JAM3: variants seen among roughly 807,000 people sequenced by gnomAD.
The protein encoded by JAM3 is junctional adhesion molecule 3.
JAM3 carries 31 observed loss-of-function variants against 39.4 expected under a neutral mutation model. The ratio of observed to expected loss-of-function variants is 0.79; its 90% confidence interval spans 0.59 to 1.06. JAM3 has a LOEUF of 1.06. Ranked by LOEUF, JAM3 falls within the 50% of genes least tolerant of loss-of-function variation. The probability of loss-of-function intolerance (pLI) is 0.00; values close to 1 mark genes in which losing one functional copy is unlikely to be tolerated. For missense variants in JAM3, 455 were observed against 391.4 expected (o/e 1.16, Z -1.37); for synonymous variants, 182 against 148.7 (o/e 1.22, Z -1.63).
intron 1 of JAM3, among the ~76,000 whole-genome samples, chr11:134,119,985 T>C (rs1182658960): frequency 6.6e-6 from 1 of 152,238 alleles, no homozygotes; most frequent in Non-Finnish European, 1.5e-5. Flanking sequence ...TATACTTTGC[T>C]GTGTGTATGG....
intron 1 of JAM3, among the ~76,000 whole-genome samples, chr11:134,134,487 G>A (rs548898263): frequency 4.0e-5 from 6 of 150,862 alleles, no homozygotes; most frequent in Admixed American, 2.0e-4. Context: ...GAAGACAGAG[G>A]GGAAAAGTAC....
At chr11:134,093,452 C>T (rs1267437552) in intron 1 of JAM3, among the ~76,000 whole-genome samples, 1 of 134,492 alleles carries the variant, frequency 7.4e-6, no homozygotes, top group Non-Finnish European at 1.6e-5. Flanking sequence ...CCTCCTTATT[C>T]GTCATGTTCC....
intron 1 of JAM3, among the ~76,000 whole-genome samples, chr11:134,123,566 C>CAA (rs1942579185): frequency 6.6e-6 from 1 of 152,222 alleles, no homozygotes; most frequent in Admixed American, 6.5e-5. Context: ...GGCAGAAATT[C>CAA]AAACTCCAAA....
intron 1 of JAM3, among the ~76,000 whole-genome samples, chr11:134,117,846 G>A (rs763087604): frequency 3.3e-5 from 5 of 152,218 alleles, no homozygotes; most frequent in Non-Finnish European, 5.9e-5. Flanking sequence ...CTGTCTTCAA[G>A]ATAACAGTGA....
At chr11:134,116,633 C>G (rs766666401) in intron 1 of JAM3, among the ~76,000 whole-genome samples, 2 of 151,968 alleles carry the variant, frequency 1.3e-5, no homozygotes, top group Non-Finnish European at 2.9e-5. Flanking sequence ...GTCCTAGAAT[C>G]AGCCATTTTT....
Position 134,100,555 on chromosome 11 carries a change from A to G in JAM3, c.76+31396A>G, listed in dbSNP as rs140170933. ...TTATATATCTGAGTCCTGTTTCCCA[A>G]CTGCTAGTGAGCTCCTTGAGGGCAT... is the stretch of plus-strand genomic sequence containing the variant. On this transcript the variant is annotated intron_variant, in intron 1 of 8. Transcript: ENST00000299106. Among the ~76,000 whole-genome samples the G allele has an allele frequency of 3.1e-4, 47 of 152,254 alleles. 2 individuals are homozygous for G. The East Asian group carries it at 9.1e-3, about 29-fold the overall frequency.
intron 1 of JAM3, among the ~76,000 whole-genome samples, chr11:134,072,314 A>ATTT (rs34630736): frequency 0.056 from 8,162 of 144,660 alleles, 259 homozygotes; most frequent in Non-Finnish European, 0.058. Flanking sequence ...GTGAAGTTGG[A>ATTT]TTTTTTTTTT....
At chr11:134,094,522 G>A (rs1041180299) in intron 1 of JAM3, among the ~76,000 whole-genome samples, 1 of 149,058 alleles carries the variant, frequency 6.7e-6, no homozygotes, top group Non-Finnish European at 1.5e-5. Flanking sequence ...TATTCATCAT[G>A]TTCCACCTTA....
At chr11:134,113,036 C>A (rs879688135) in intron 1 of JAM3, among the ~76,000 whole-genome samples, 1 of 152,158 alleles carries the variant, frequency 6.6e-6, no homozygotes, top group Non-Finnish European at 1.5e-5. Context: ...AGAGGGATCA[C>A]TTGAACCCAA....
Position 134,108,597 on chromosome 11 carries a change from A to G in JAM3, c.77-31254A>G, listed in dbSNP as rs535601064. 3.9e-5 allele frequency among the ~76,000 whole-genome samples: 6 copies of G among 152,308 alleles called. No individual in the cohort carries two copies. The South Asian group carries it at 1.2e-3, about 32-fold the overall frequency. ...GTTTGTGTGTATAGGAAGAAAACAA[A>G]AACAAAAACCAACCGAGGTTTATCC... is the stretch of plus-strand genomic sequence containing the variant. On this transcript the variant is annotated intron_variant, in intron 1 of 8. Coordinates refer to ENST00000299106, the MANE Select transcript of JAM3 (RefSeq NM_032801.5).
chr11:134,147,906 A>T (rs1395278258), intron 6 of JAM3: 1 of 154,074 alleles, frequency 6.5e-6, no homozygotes, highest in East Asian at 1.9e-4. Flanking sequence ...ATAGTTTTCC[A>T]TGTGTCGCTT....
At position 134,145,934 on chromosome 11, in the gene JAM3, T is replaced by A. The variant is rs191505825; in HGVS notation, c.613-12T>A. On this transcript the variant is annotated splice_polypyrimidine_tract_variant and intron_variant, in intron 5 of 8. Coordinates refer to ENST00000299106, the MANE Select transcript of JAM3 (RefSeq NM_032801.5). ...ATGGGTCCGATTATTTACTTGTCAT[T>A]CCCTGAAACAGGTGTTCACTGCTGT... 2,382 of 1,586,476 alleles carry A rather than the reference T, an allele frequency of 1.5e-3. 4 individuals are homozygous for A. The highest frequency in any genetic ancestry group is 2.0e-3 in the Non-Finnish European group (2,303 of 1,154,794).
chr11:134,084,642 A>G (rs1941719060), intron 1 of JAM3, among the ~76,000 whole-genome samples: 1 of 152,182 alleles, frequency 6.6e-6, no homozygotes, highest in African/African-American at 2.4e-5. Flanking sequence ...TCCTGCCAGT[A>G]CTTCCATTAC....
In JAM3 at chr11:134,070,275, G is replaced by A. The variant is rs117247627; in HGVS notation, c.76+1116G>A. On this transcript the variant is annotated intron_variant, in intron 1 of 8. Transcript: ENST00000299106. ...CACACTCTTCCCCTGGCAGCCATCC[G>A]CAGGTAACCAGACCAGGACCTTTTT... is the stretch of plus-strand genomic sequence containing the variant. The A allele has an allele frequency of 1.0e-3, 463 of 454,012 alleles. 8 individuals carry two copies. The East Asian group carries it at 0.023, about 23-fold the overall frequency. 28.1% of individuals were successfully genotyped at this position (454,012 alleles called of 1,614,324 possible). A position where few individuals can be genotyped will look rare whatever the true frequency, so the allele number is the denominator to read the frequency against.
intron 1 of JAM3, among the ~76,000 whole-genome samples, chr11:134,093,377 A>G (rs140469855): frequency 0.033 from 3,329 of 101,672 alleles, 496 homozygotes; most frequent in African/African-American, 0.13. Flanking sequence ...TTCATGTTCC[A>G]CCTTACATCT....
At chr11:134,114,809 T>C (rs1245514602) in intron 1 of JAM3, among the ~76,000 whole-genome samples, 2 of 152,198 alleles carry the variant, frequency 1.3e-5, no homozygotes, top group African/African-American at 4.8e-5. Flanking sequence ...TTGTCAAAAA[T>C]ATGTATTCTG....
intron 1 of JAM3, among the ~76,000 whole-genome samples, chr11:134,123,047 T>G (rs1199517068): frequency 6.6e-6 from 1 of 152,204 alleles, no homozygotes; most frequent in Non-Finnish European, 1.5e-5. Flanking sequence ...AAAATGCCAT[T>G]TCCCCACTAA....
rs767306661 is a variant in JAM3 at position 134,069,087 on chromosome 11, G to C, written c.4G>C (p.Ala2Pro). The C allele has an allele frequency of 1.9e-6, 3 of 1,611,084 alleles. No individual in the cohort carries two copies. Among genetic ancestry groups the C allele is most frequent in the South Asian group, 1.1e-5 (1 of 90,850 alleles). The change falls in exon 1 of 9, where the codon GCG becomes CCG. Residue 2 changes from alanine to proline, a missense_variant. Transcript: ENST00000299106. The stretch of plus-strand genomic sequence containing the variant: ...TGGCCCCTCAGCAACCCTCGACATG[G>C]CGCTGAGGCGGCCACCGCGACTCCG... MALRRPPRLRLC... is the reference protein window; with the variant it reads MPLRRPPRLRLC...
At chr11:134,134,398 C>CAAAAAAAAAAAA (rs34729848) in intron 1 of JAM3, among the ~76,000 whole-genome samples, 11 of 31,922 alleles carry the variant, frequency 3.4e-4, no homozygotes, top group Non-Finnish European at 5.5e-4. Context: ...GGATAAATGC[C>CAAAAAAAAAAAA]AAAAAAAAAA....
Sources: allele counts gnomAD v4.1 joint callset (sites outside exome capture counted in the v4.1 genomes callset), GRCh38; gene constraint gnomAD v4.1.1; transcripts MANE v1.5; gene names NCBI Gene and HGNC (gene_info 2026-07-23, HGNC 2026-07-21).